Variants in SHISA9 observed in about 807,000 individuals in gnomAD.
SHISA9 encodes shisa family member 9.
SHISA9 carries 13 observed loss-of-function variants against 38.0 expected under a neutral mutation model. The observed-to-expected ratio is 0.34, with a 90% confidence interval of 0.22 to 0.54. The LOEUF (loss-of-function observed/expected upper bound fraction) is 0.54. Ranked by LOEUF, SHISA9 falls within the 20% of genes least tolerant of loss-of-function variation. The probability of loss-of-function intolerance (pLI) is 0.91; values close to 1 mark genes in which losing one functional copy is unlikely to be tolerated. For missense variants in SHISA9, 538 were observed against 575.8 expected (o/e 0.93, Z 0.67); for synonymous variants, 275 against 242.0 (o/e 1.14, Z -1.27).
intron 2 of SHISA9, among the ~76,000 whole-genome samples, chr16:13,040,904 G>T (rs183880035): frequency 8.5e-5 from 13 of 152,252 alleles, no homozygotes; most frequent in African/African-American, 3.1e-4. Flanking sequence ...CCTGACTTTG[G>T]TGGCTCTCAG....
chr16:12,912,525 C>G (rs550847477), intron 1 of SHISA9, among the ~76,000 whole-genome samples: 17 of 152,154 alleles, frequency 1.1e-4, no homozygotes, highest in Non-Finnish European at 2.1e-4. Context: ...AACACAATTT[C>G]TATGCAGTTT....
the SHISA9 span, among the ~76,000 whole-genome samples, chr16:13,302,212 T>TC: frequency 6.6e-6 from 1 of 152,012 alleles, no homozygotes; most frequent in Non-Finnish European, 1.5e-5. Flanking sequence ...CTCTTGTTTG[T>TC]CCCCCCATTG....
At chr16:13,527,427 C>CAGTGAAG in the SHISA9 span, among the ~76,000 whole-genome samples, 32 of 152,300 alleles carry the variant, frequency 2.1e-4, no homozygotes, top group South Asian at 1.4e-3. Context: ...TTAACTTCTT[C>CAGTGAAG]ACTGAGAGCC....
At chr16:13,516,052 T>C in the SHISA9 span, among the ~76,000 whole-genome samples, 107 of 152,334 alleles carry the variant, frequency 7.0e-4, no homozygotes, top group African/African-American at 2.2e-3. Context: ...TACCTTCCAA[T>C]TGCATGGTAG....
intron 2 of SHISA9, among the ~76,000 whole-genome samples, chr16:12,982,461 C>A (rs1452967326): frequency 6.6e-6 from 1 of 152,158 alleles, no homozygotes; most frequent in South Asian, 2.1e-4. Flanking sequence ...TGCAGAAAGT[C>A]ATTCACAAAC....
chr16:13,005,191 A>G (rs1160124652), intron 2 of SHISA9, among the ~76,000 whole-genome samples: 1 of 152,118 alleles, frequency 6.6e-6, no homozygotes, highest in African/African-American at 2.4e-5. Context: ...GGTACTGTGA[A>G]GTTTGGGATG....
chr16:13,094,320 A>C (rs1352548174), intron 2 of SHISA9, among the ~76,000 whole-genome samples: 1 of 152,214 alleles, frequency 6.6e-6, no homozygotes, highest in Non-Finnish European at 1.5e-5. Context: ...GCCATTAGAC[A>C]AAAGTAAGCT....
chr16:13,390,165 A>AT, the SHISA9 span, among the ~76,000 whole-genome samples: 3 of 149,916 alleles, frequency 2.0e-5, no homozygotes, highest in Admixed American at 6.7e-5. Flanking sequence ...ACCAAAAGGG[A>AT]TTTTTTCTCT....
At chr16:13,231,407 C>G (rs1478114938) in intron 4 of SHISA9, among the ~76,000 whole-genome samples, 1 of 152,174 alleles carries the variant, frequency 6.6e-6, no homozygotes, top group Non-Finnish European at 1.5e-5. Context: ...CACTGGAAAT[C>G]TAGAGCTTTC....
At chr16:13,437,063 T>G in the SHISA9 span, among the ~76,000 whole-genome samples, 1 of 152,144 alleles carries the variant, frequency 6.6e-6, no homozygotes, top group Non-Finnish European at 1.5e-5. Flanking sequence ...CATGATTCAG[T>G]TACCTCCCAC....
intron 2 of SHISA9, among the ~76,000 whole-genome samples, chr16:12,940,412 C>A (rs1285550638): frequency 1.3e-5 from 2 of 151,804 alleles, no homozygotes; most frequent in African/African-American, 4.8e-5. Context: ...AGGTTACCTT[C>A]CTAGTCCCCC....
chr16:13,487,224 TA>T, the SHISA9 span, among the ~76,000 whole-genome samples: 1 of 152,212 alleles, frequency 6.6e-6, no homozygotes, highest in Non-Finnish European at 1.5e-5. Context: ...AATGACATAA[TA>T]TTTGCATATA....
the SHISA9 span, among the ~76,000 whole-genome samples, chr16:13,262,930 G>C: frequency 2.0e-5 from 3 of 151,994 alleles, no homozygotes; most frequent in African/African-American, 7.3e-5. Flanking sequence ...CTCTCCCCAG[G>C]GCACCTATGC....
At chr16:12,945,802 G>A (rs923481683) in intron 2 of SHISA9, among the ~76,000 whole-genome samples, 19 of 152,242 alleles carry the variant, frequency 1.2e-4, no homozygotes, top group Admixed American at 1.2e-3. Flanking sequence ...CTCCTTTTAA[G>A]AATGAGAATA....
chr16:13,358,607 AAG>A, the SHISA9 span, among the ~76,000 whole-genome samples: 26 of 152,176 alleles, frequency 1.7e-4, no homozygotes, highest in Admixed American at 1.2e-3. Flanking sequence ...CAAAAACCGT[AAG>A]AGAGTATTCT....
chr16:13,475,568 A>G, the SHISA9 span, among the ~76,000 whole-genome samples: 5 of 152,012 alleles, frequency 3.3e-5, no homozygotes, highest in South Asian at 8.3e-4. Context: ...ATAGTCCCCA[A>G]CCTTTTATGG....
At chr16:12,907,908 A>G (rs559076929) in intron 1 of SHISA9, among the ~76,000 whole-genome samples, 1 of 152,086 alleles carries the variant, frequency 6.6e-6, no homozygotes, top group East Asian at 1.9e-4. Flanking sequence ...CCTCCACCCA[A>G]TTCACTCTGT....
chr16:13,444,643 G>A, the SHISA9 span, among the ~76,000 whole-genome samples: 1 of 152,170 alleles, frequency 6.6e-6, no homozygotes, highest in African/African-American at 2.4e-5. Context: ...AGAAGGTTGT[G>A]GGTCCTCATC....
chr16:12,975,519 A>G (rs1203924306), intron 2 of SHISA9, among the ~76,000 whole-genome samples: 1 of 151,964 alleles, frequency 6.6e-6, no homozygotes, highest in Admixed American at 6.6e-5. Context: ...GAAAGGAAAA[A>G]GGAATAGAGT....
Sources: allele counts gnomAD v4.1 joint callset (sites outside exome capture counted in the v4.1 genomes callset), GRCh38; gene constraint gnomAD v4.1.1; transcripts MANE v1.5; gene names NCBI Gene and HGNC (gene_info 2026-07-23, HGNC 2026-07-21).